SUN5: variants seen among roughly 807,000 people sequenced by gnomAD.
SUN5 encodes Sad1 and UNC84 domain containing 5, also known as SUN domain-containing protein 5.
A neutral mutation model predicts 53.7 loss-of-function variants in SUN5; 44 were observed. The observed-to-expected ratio is 0.82, with a 90% CI of 0.64 to 1.05. The LOEUF (loss-of-function observed/expected upper bound fraction) is 1.05. Ranked by LOEUF, SUN5 falls within the 50% of genes least tolerant of loss-of-function variation. SUN5 has a pLI of 0.00. For synonymous variants in SUN5, 166 were observed against 179.8 expected, an observed-to-expected ratio of 0.92 and a Z score of 0.62; for missense variants, 433 against 483.8, an observed-to-expected ratio of 0.90 and a Z score of 0.98.
At chr20:32,992,621 A>C (rs980217955) in intron 8 of SUN5, among the ~76,000 whole-genome samples, 1 of 152,160 alleles carries the variant, frequency 6.6e-6, no homozygotes, top group African/African-American at 2.4e-5. Flanking sequence ...AAAATTAGAC[A>C]TTTTTGTTCA....
intron 5 of SUN5, 44 bp downstream of exon 5, chr20:33,000,030 C>T (rs775224522): frequency 9.4e-6 from 15 of 1,591,962 alleles, no homozygotes; most frequent in Non-Finnish European, 1.3e-5. Flanking sequence ...TGCCAGGGCC[C>T]AGGGATACCT....
intron 8 of SUN5, among the ~76,000 whole-genome samples, chr20:32,995,225 A>G (rs994885110): frequency 3.9e-5 from 6 of 152,244 alleles, no homozygotes; most frequent in African/African-American, 9.6e-5. Flanking sequence ...TATGAGGAAC[A>G]TTAGAGACAA....
At chr20:32,985,656 T>C (rs940070332) in intron 11 of SUN5, 80 bp downstream of exon 11, 7 of 1,534,540 alleles carry the variant, frequency 4.6e-6, no homozygotes, top group Non-Finnish European at 6.2e-6. Flanking sequence ...GTGCAGACAC[T>C]GTTTACCCCA....
chr20:32,994,455 G>A (rs376398797), intron 8 of SUN5, among the ~76,000 whole-genome samples: 18 of 152,258 alleles, frequency 1.2e-4, no homozygotes, highest in African/African-American at 4.3e-4. Flanking sequence ...AGCAGACAAG[G>A]ATTTTTAAAA....
intron 5 of SUN5, among the ~76,000 whole-genome samples, chr20:32,998,593 A>G (rs1446537741): frequency 1.3e-5 from 2 of 152,226 alleles, no homozygotes; most frequent in African/African-American, 2.4e-5. Context: ...TGAAGAGCTC[A>G]CAGCTCACAT....
chr20:32,994,803 G>T (rs8126123), intron 8 of SUN5, among the ~76,000 whole-genome samples: 68,483 of 151,188 alleles, frequency 0.45, 16,259 homozygotes, highest in East Asian at 0.84. Context: ...GGTGTAGGAT[G>T]CACTTGAACC....
intron 9 of SUN5, among the ~76,000 whole-genome samples, chr20:32,988,168 T>C (rs1471971734): frequency 2.0e-5 from 3 of 152,116 alleles, no homozygotes; most frequent in Non-Finnish European, 4.4e-5. Flanking sequence ...TTTCCCAAAG[T>C]GCCTGGCACA....
At chr20:32,986,942 A>T (rs1989561484) in intron 10 of SUN5, among the ~76,000 whole-genome samples, 2 of 152,316 alleles carry the variant, frequency 1.3e-5, no homozygotes, top group South Asian at 4.1e-4. Flanking sequence ...GCCCCGTCCA[A>T]GCTGAGCAAG....
At chr20:33,003,584 T>A (rs181337044) in intron 1 of SUN5, among the ~76,000 whole-genome samples, 99 of 152,278 alleles carry the variant, frequency 6.5e-4, no homozygotes, top group Non-Finnish European at 1.2e-3. Context: ...TTTAAAATTT[T>A]CCCTTATTTC....
At chr20:32,985,961 T>G in intron 10 of SUN5, 58 bp from the exon 11 acceptor site, 1 of 1,551,732 alleles carries the variant, frequency 6.4e-7, no homozygotes, top group Non-Finnish European at 8.8e-7. Flanking sequence ...TCATCCCACC[T>G]TTGATCCCCT....
chr20:32,985,054 T>C (rs1989497436), intron 12 of SUN5, 45 bp downstream of exon 12: 1 of 1,598,672 alleles, frequency 6.3e-7, no homozygotes, highest in Non-Finnish European at 8.6e-7. Flanking sequence ...GACTGCACAC[T>C]GTGCATTCAG....
chr20:33,001,934 G>A (rs902101999), intron 3 of SUN5, among the ~76,000 whole-genome samples: 1 of 152,160 alleles, frequency 6.6e-6, no homozygotes, highest in Non-Finnish European at 1.5e-5. Flanking sequence ...TTACAGGCAT[G>A]AGCCACTGCG....
chr20:32,996,462 C>T (rs1439201216), intron 6 of SUN5, 104 bp from the exon 7 acceptor site: 2 of 1,029,504 alleles, frequency 1.9e-6, no homozygotes, highest in Non-Finnish European at 2.9e-6. Flanking sequence ...CCCATACATT[C>T]ATCCACTTTC....
chr20:33,001,393 A>G, intron 3 of SUN5, 115 bp from the exon 4 acceptor site: 1 of 1,200,244 alleles, frequency 8.3e-7, no homozygotes, highest in African/African-American at 1.5e-5. Context: ...GACCCTCTCG[A>G]CTTGTTGGCC....
At chr20:32,989,508 G>A (rs1989650101) in intron 9 of SUN5, 112 bp downstream of exon 9, 6 of 733,160 alleles carry the variant, frequency 8.2e-6, no homozygotes, top group Admixed American at 4.9e-5. Flanking sequence ...TTGGAACAGA[G>A]GATGAACTTC....
chr20:32,990,342 G>A (rs557437835), intron 8 of SUN5, among the ~76,000 whole-genome samples: 61 of 152,312 alleles, frequency 4.0e-4, no homozygotes, highest in Non-Finnish European at 8.1e-4. Flanking sequence ...CACAGTAGGT[G>A]CACAATAAAT....
At chr20:32,988,879 A>G (rs558299024) in intron 9 of SUN5, among the ~76,000 whole-genome samples, 1 of 151,846 alleles carries the variant, frequency 6.6e-6, no homozygotes, top group Non-Finnish European at 1.5e-5. Flanking sequence ...GTGAGCCACC[A>G]AGCCCAGCCC....
At chr20:33,000,874 G>A (rs75715053) in intron 4 of SUN5, among the ~76,000 whole-genome samples, 1 of 151,176 alleles carries the variant, frequency 6.6e-6, no homozygotes, top group African/African-American at 2.4e-5. Flanking sequence ...TTAACAGCAC[G>A]TGCAAATGTG....
intron 8 of SUN5, among the ~76,000 whole-genome samples, chr20:32,993,087 G>GA (rs11481491): frequency 0.34 from 52,421 of 152,058 alleles, 9,724 homozygotes; most frequent in East Asian, 0.79. Flanking sequence ...CCAATGATAT[G>GA]AAAAAAATTA....
Sources: allele counts gnomAD v4.1 joint callset (sites outside exome capture counted in the v4.1 genomes callset), GRCh38; gene constraint gnomAD v4.1.1; transcripts MANE v1.5; gene names NCBI Gene and HGNC (gene_info 2026-07-23, HGNC 2026-07-21).